SCYL2: variants seen among roughly 807,000 people sequenced by gnomAD.
The protein encoded by SCYL2 is SCY1-like protein 2.
In SCYL2, 36 loss-of-function variants were observed where a neutral mutation model predicts 100.4. The ratio of observed to expected loss-of-function variants is 0.36; its 90% CI spans 0.27 to 0.47. The LOEUF (loss-of-function observed/expected upper bound fraction) is 0.47, where lower values mean the gene tolerates loss of function less well. Among genes scored for constraint, SCYL2 ranks in the 20% least tolerant of loss-of-function variants. The pLI, the probability that SCYL2 is intolerant of heterozygous loss-of-function variation, is 1.00. For missense variants in SCYL2, 902 were observed against 1,083.9 expected (o/e 0.83, Z 2.36); for synonymous variants, 330 against 359.2 (o/e 0.92, Z 0.92).
At chr12:100,275,836 G>A (rs1330203872) in intron 1 of SCYL2, among the ~76,000 whole-genome samples, 1 of 152,136 alleles carries the variant, frequency 6.6e-6, no homozygotes, top group African/African-American at 2.4e-5. Context: ...TATTTATCAG[G>A]TTGAGGAAGT....
chr12:100,327,264 G>T, intron 12 of SCYL2: 1 of 293,624 alleles, frequency 3.4e-6, no homozygotes, highest in South Asian at 2.9e-5. Flanking sequence ...TTTCTAATAT[G>T]TTTAAGTCTT....
chr12:100,272,502 G>A (rs148975900), intron 1 of SCYL2, among the ~76,000 whole-genome samples: 3 of 152,114 alleles, frequency 2.0e-5, no homozygotes, highest in Non-Finnish European at 4.4e-5. Context: ...CTGGCTCATC[G>A]TGCACCAATT....
In SCYL2 at chr12:100,308,433, A is replaced by G. The variant is rs543863481; in HGVS notation, c.481-2611A>G. On this transcript the variant is annotated intron_variant, in intron 4 of 17. Coordinates refer to ENST00000360820, the MANE Select transcript of SCYL2 (RefSeq NM_017988.6). ...GTTCTCACTTATAAGTGGGAGTTGA[A>G]CAGTGAGAACACATGGACACTGGGA... 1.2e-4 allele frequency among the ~76,000 whole-genome samples: 19 copies of G among 152,250 alleles called. No individual in the cohort carries two copies. The East Asian group carries it at 3.7e-3, about 29-fold the overall frequency.
chr12:100,295,918 G>C (rs919750026), intron 3 of SCYL2, among the ~76,000 whole-genome samples: 14 of 152,272 alleles, frequency 9.2e-5, no homozygotes, highest in Non-Finnish European at 1.6e-4. Flanking sequence ...AGCAGATGCC[G>C]GGCCATCCTG....
chr12:100,288,890 T>A (rs565816862), intron 2 of SCYL2, among the ~76,000 whole-genome samples: 44 of 150,090 alleles, frequency 2.9e-4, no homozygotes, highest in Non-Finnish European at 4.0e-4. Context: ...TTATTTAAAA[T>A]TTTTTTTTTG....
At chr12:100,324,666 A>G (rs529596580) in intron 11 of SCYL2, among the ~76,000 whole-genome samples, 1 of 152,326 alleles carries the variant, frequency 6.6e-6, no homozygotes, top group Non-Finnish European at 1.5e-5. Context: ...TATGAAATGA[A>G]ATAAAGTCAA....
chr12:100,279,756 G>A (rs1259389104), intron 1 of SCYL2, among the ~76,000 whole-genome samples: 1 of 152,182 alleles, frequency 6.6e-6, no homozygotes, highest in Non-Finnish European at 1.5e-5. Context: ...TCTGGCTGAT[G>A]AGATATCAAA....
At chr12:100,294,413 C>T (rs1416482977) in intron 3 of SCYL2, among the ~76,000 whole-genome samples, 8 of 110,328 alleles carry the variant, frequency 7.3e-5, no homozygotes, top group African/African-American at 1.1e-4. Flanking sequence ...CCGGACGGGG[C>T]GGCTGGCCGG....
chr12:100,325,654 T>TA (rs576239385), intron 11 of SCYL2, among the ~76,000 whole-genome samples: 23 of 152,162 alleles, frequency 1.5e-4, no homozygotes, highest in Non-Finnish European at 1.5e-5. Context: ...CAGAGTTAGG[T>TA]AAAATCCTCC....
At position 100,311,064 on chromosome 12, in the gene SCYL2, C is replaced by A; in HGVS notation, c.501C>A (p.Phe167Leu). The stretch of plus-strand genomic sequence containing the variant: ...TACAGGTTTCTGAAGGATTGTCATT[C>A]TTGCATAGCAGTGTGAAAATGGTGC... ...GLLQVSEGLS[F>L]LHSSVKMVHG... is the part of the protein sequence containing the mutation. Residue 167 changes from phenylalanine to leucine, a missense_variant, in exon 5 of 18, where the codon TTC (phenylalanine) becomes TTA (leucine). Transcript: ENST00000360820. 6.4e-7 allele frequency: 1 copy of A among 1,574,306 alleles called. No individual in the cohort carries two copies. Among genetic ancestry groups the A allele is most frequent in the Admixed American group, 1.9e-5 (1 of 53,746 alleles).
chr12:100,311,276 G>A (rs756169930), intron 5 of SCYL2, 83 bp downstream of exon 5: 1 of 1,370,234 alleles, frequency 7.3e-7, no homozygotes, highest in African/African-American at 1.5e-5. Flanking sequence ...AGGCTATGTG[G>A]TACAGTGGTA....
intron 3 of SCYL2, among the ~76,000 whole-genome samples, chr12:100,297,108 T>A (rs1426348287): frequency 6.6e-6 from 1 of 152,196 alleles, no homozygotes; most frequent in Non-Finnish European, 1.5e-5. Context: ...TGCCAGAGCC[T>A]AAAGCCCAAG....
In SCYL2 at chr12:100,312,484, C is replaced by T; in HGVS notation, c.683C>T (p.Pro228Leu). 1 of 1,613,606 alleles carries T rather than the reference C, an allele frequency of 6.2e-7. No individual in the cohort carries two copies. Residue 228 changes from proline to leucine, a missense_variant, in exon 6 of 18, where the codon CCA becomes CTA. Transcript: ENST00000360820. ...WDPNLPSLCL[P>L]NPEYLAPEYI... ...CCAAATTTACCTTCATTGTGTCTTCCAAATCCTGAATATTTGGCTCCTGAA... is the reference window on the plus strand; with the variant it reads ...CCAAATTTACCTTCATTGTGTCTTCTAAATCCTGAATATTTGGCTCCTGAA...
chr12:100,330,835 T>C (rs1336284569), intron 13 of SCYL2, among the ~76,000 whole-genome samples: 4 of 150,166 alleles, frequency 2.7e-5, no homozygotes, highest in African/African-American at 9.8e-5. Context: ...TTTTTCTTTT[T>C]TTTTTTTTTT....
intron 6 of SCYL2, among the ~76,000 whole-genome samples, chr12:100,313,033 G>T (rs775433825): frequency 2.0e-5 from 3 of 152,188 alleles, no homozygotes; most frequent in Non-Finnish European, 2.9e-5. Context: ...GCCGATCAGG[G>T]TGGGAGGATC....
In SCYL2 at chr12:100,339,326, G is replaced by C; in HGVS notation, c.*154G>C. The C allele has an allele frequency of 4.0e-6, 3 of 749,196 alleles. No homozygotes were observed. In the East Asian group the frequency reaches 8.1e-5, roughly 20 times the overall value. The allele number at this position is 749,196 out of a possible 1,614,324, so 46.4% of individuals were successfully genotyped here. A position where few individuals can be genotyped will look rare whatever the true frequency, so the allele number is the denominator to read the frequency against. On this transcript the variant is annotated 3_prime_UTR_variant, in exon 18 of 18. Transcript: ENST00000360820. ...CTCTGTCCATGCCAGCATAGTAGTT[G>C]TATGGACTTCTAACCAGTTGAGTTT...
intron 4 of SCYL2, among the ~76,000 whole-genome samples, chr12:100,304,827 G>GC (rs1051546667): frequency 2.7e-5 from 4 of 149,520 alleles, no homozygotes; most frequent in Admixed American, 6.6e-5. Context: ...CAAATGGAAA[G>GC]CAAAAAAAAA....
intron 10 of SCYL2, among the ~76,000 whole-genome samples, chr12:100,322,068 A>C (rs1229898117): frequency 6.6e-6 from 1 of 150,966 alleles, no homozygotes; most frequent in Non-Finnish European, 1.5e-5. Flanking sequence ...AAAGAAAAAA[A>C]AACCCAAGAA....
At chr12:100,310,719 T>G (rs1412069826) in intron 4 of SCYL2, among the ~76,000 whole-genome samples, 1 of 152,200 alleles carries the variant, frequency 6.6e-6, no homozygotes, top group Non-Finnish European at 1.5e-5. Context: ...AATAAAAGAT[T>G]CCCTCACTTT....
Sources: allele counts gnomAD v4.1 joint callset (sites outside exome capture counted in the v4.1 genomes callset), GRCh38; gene constraint gnomAD v4.1.1; transcripts MANE v1.5; gene names NCBI Gene and HGNC (gene_info 2026-07-23, HGNC 2026-07-21).